DLGAP1: variants seen among roughly 807,000 people sequenced by gnomAD.
DLGAP1 encodes the protein disks large-associated protein 1.
Under a neutral mutation model 90.8 loss-of-function variants are expected in DLGAP1, and 11 were observed. The ratio of observed to expected loss-of-function variants is 0.12; its 90% CI spans 0.08 to 0.20. DLGAP1 has a LOEUF of 0.20. DLGAP1 is among the 10% of genes least tolerant of loss of function. The pLI is 1.00. For missense variants in DLGAP1, 1,050 were observed against 1,333.8 expected (o/e 0.79, Z 3.31); for synonymous variants, 558 against 540.7 (o/e 1.03, Z -0.44).
intron 4 of DLGAP1, chr18:3,874,115 A>T: frequency 6.5e-7 from 1 of 1,549,256 alleles, no homozygotes; most frequent in Non-Finnish European, 8.7e-7. Flanking sequence ...ACACCACACT[A>T]TTACCAAATA....
intron 2 of DLGAP1, among the ~76,000 whole-genome samples, chr18:4,128,138 C>T (rs375151642): frequency 6.6e-6 from 1 of 152,118 alleles, no homozygotes; most frequent in East Asian, 1.9e-4. Flanking sequence ...GGTTCAACAT[C>T]CGTGGATACA....
intron 2 of DLGAP1, among the ~76,000 whole-genome samples, chr18:4,125,786 C>T (rs950448978): frequency 2.0e-5 from 3 of 152,152 alleles, no homozygotes. Context: ...TACACCTGGA[C>T]CTGTTTCTTG....
intron 1 of DLGAP1, among the ~76,000 whole-genome samples, chr18:4,371,903 A>G (rs993433893): frequency 6.6e-6 from 1 of 152,240 alleles, no homozygotes; most frequent in Non-Finnish European, 1.5e-5. Flanking sequence ...AAAGAAGGAC[A>G]AAGTAACAGG....
chr18:4,421,666 G>A (rs1393074896), intron 1 of DLGAP1, among the ~76,000 whole-genome samples: 1 of 152,048 alleles, frequency 6.6e-6, no homozygotes, highest in African/African-American at 2.4e-5. Context: ...TCAAGCAAAA[G>A]TCTTGGAAAA....
intron 7 of DLGAP1, among the ~76,000 whole-genome samples, chr18:3,611,442 C>T (rs1286366504): frequency 6.6e-6 from 1 of 152,184 alleles, no homozygotes; most frequent in East Asian, 1.9e-4. Flanking sequence ...TCGCCCCAGC[C>T]CTCCACAGCC....
At chr18:4,074,444 T>C (rs2075494876) in intron 2 of DLGAP1, among the ~76,000 whole-genome samples, 1 of 152,080 alleles carries the variant, frequency 6.6e-6, no homozygotes, top group African/African-American at 2.4e-5. Context: ...GCAGAAATAA[T>C]TGTTTTATAT....
intron 3 of DLGAP1, among the ~76,000 whole-genome samples, chr18:3,905,366 CAAAAAAAAAAAAAAA>C (rs71160924): frequency 1.0e-4 from 2 of 19,810 alleles, no homozygotes; most frequent in South Asian, 4.3e-3. Context: ...GACTCCATCT[CAAAAAAAAAAAAAAA>C]AAAAAAAAAA....
chr18:3,845,404 T>C, intron 4 of DLGAP1: 9 of 1,389,710 alleles, frequency 6.5e-6, no homozygotes, highest in Non-Finnish European at 7.5e-6. Flanking sequence ...GGGGGGAGAG[T>C]GGTTGGTCAT....
chr18:4,182,771 C>A (rs1463981879), intron 1 of DLGAP1, among the ~76,000 whole-genome samples: 2 of 152,158 alleles, frequency 1.3e-5, no homozygotes, highest in African/African-American at 4.8e-5. Context: ...ACCACACTAG[C>A]ACCTACAAAG....
intron 1 of DLGAP1, among the ~76,000 whole-genome samples, chr18:4,386,697 G>C (rs959247806): frequency 2.6e-5 from 4 of 152,138 alleles, no homozygotes; most frequent in Non-Finnish European, 5.9e-5. Flanking sequence ...GTATTTAAAA[G>C]GAAATAGGGA....
At chr18:3,596,903 C>T (rs374046819) in intron 7 of DLGAP1, 4 of 520,118 alleles carry the variant, frequency 7.7e-6, no homozygotes, top group Middle Eastern at 3.2e-4. Flanking sequence ...CATGATCTAG[C>T]AGGCCAAATC....
Position 4,363,130 on chromosome 18 carries a change from C to T in DLGAP1, c.-267+91876G>A, listed in dbSNP as rs139829560. Among the ~76,000 whole-genome samples the T allele has an allele frequency of 4.6e-3, 698 of 152,238 alleles. 4 individuals are homozygous for T. The highest frequency in any genetic ancestry group is 8.2e-3 in the Non-Finnish European group (560 of 68,028). On this transcript the variant is annotated intron_variant, in intron 1 of 12. Transcript: ENST00000315677. ...CCAGTAAATGAAATGGCCATAGTGG[C>T]CTTGATAAGCTCCCCAATATTCCTT... is the stretch of plus-strand genomic sequence containing the variant.
At chr18:3,730,990 CA>C (rs1272315463) in intron 6 of DLGAP1, among the ~76,000 whole-genome samples, 1 of 152,076 alleles carries the variant, frequency 6.6e-6, no homozygotes, top group Non-Finnish European at 1.5e-5. Flanking sequence ...GCAAGAGAGA[CA>C]AAGAGTGAGC....
intron 1 of DLGAP1, among the ~76,000 whole-genome samples, chr18:4,244,568 T>A (rs1412112935): frequency 6.6e-6 from 1 of 152,110 alleles, no homozygotes; most frequent in Non-Finnish European, 1.5e-5. Flanking sequence ...ATGGGGGAAA[T>A]GGCAATGAAA....
At chr18:3,763,854 G>T (rs2064090744) in intron 5 of DLGAP1, among the ~76,000 whole-genome samples, 1 of 151,970 alleles carries the variant, frequency 6.6e-6, no homozygotes, top group Non-Finnish European at 1.5e-5. Flanking sequence ...TACAGATGGG[G>T]TTTCACCACG....
chr18:3,917,434 C>A (rs1159311533), intron 3 of DLGAP1, among the ~76,000 whole-genome samples: 1 of 152,150 alleles, frequency 6.6e-6, no homozygotes, highest in Non-Finnish European at 1.5e-5. Context: ...CCAAGGAGGC[C>A]AATATCCATT....
intron 3 of DLGAP1, among the ~76,000 whole-genome samples, chr18:3,915,898 G>C (rs566558007): frequency 8.5e-5 from 13 of 152,090 alleles, no homozygotes; most frequent in Non-Finnish European, 1.6e-4. Flanking sequence ...ACCTTAGATA[G>C]ATGGTAGTTC....
At chr18:4,358,532 C>T (rs979900674) in intron 1 of DLGAP1, among the ~76,000 whole-genome samples, 11 of 152,152 alleles carry the variant, frequency 7.2e-5, no homozygotes, top group Admixed American at 6.5e-5. Flanking sequence ...TCCCAGTGAC[C>T]TCAAGTAAGG....
At chr18:3,918,528 A>G (rs1452604238) in intron 3 of DLGAP1, among the ~76,000 whole-genome samples, 3 of 152,196 alleles carry the variant, frequency 2.0e-5, no homozygotes, top group Non-Finnish European at 2.9e-5. Context: ...AAAAAATGCC[A>G]TTCAGGGAAG....
Sources: allele counts gnomAD v4.1 joint callset (sites outside exome capture counted in the v4.1 genomes callset), GRCh38; gene constraint gnomAD v4.1.1; transcripts MANE v1.5; gene names NCBI Gene and HGNC (gene_info 2026-07-23, HGNC 2026-07-21).